NFASC: variants seen among roughly 807,000 people sequenced by gnomAD.
NFASC encodes neurofascin.
NFASC carries 43 observed loss-of-function variants against 147.5 expected under a neutral mutation model. The ratio of observed to expected loss-of-function variants is 0.29; its 90% CI spans 0.23 to 0.38. NFASC has a LOEUF of 0.38. Among genes scored for constraint, NFASC ranks in the 10% least tolerant of loss-of-function variants. NFASC has a pLI of 1.00. For missense variants in NFASC, 1,320 were observed against 1,689.0 expected (o/e 0.78, Z 3.83); for synonymous variants, 622 against 665.5 (o/e 0.93, Z 1.01).
rs1309132983 is a variant in NFASC, at chr1:204,954,963, G to T, written c.535+12G>T. Reference sequence around the variant, plus strand: ...CTGGATGAGCAGCTGTGAGTCTTGGGGGCCTGGTGTTGTGTTTATATCTTA... The same window carrying T: ...CTGGATGAGCAGCTGTGAGTCTTGGTGGCCTGGTGTTGTGTTTATATCTTA... On this transcript the variant is annotated intron_variant, in intron 7 of 29. Transcript: ENST00000339876. This position sits in a 1 kb window ranked among gnomAD's most constrained non-coding sequence, Gnocchi z 5.7. The T allele has an allele frequency of 1.9e-6, 3 of 1,614,034 alleles. No individual in the cohort carries two copies. Among genetic ancestry groups the T allele is most frequent in the Admixed American group, 1.7e-5 (1 of 60,014 alleles).
At chr1:204,948,301 G>A (rs1333653423) in intron 3 of NFASC, among the ~76,000 whole-genome samples, 2 of 152,216 alleles carry the variant, frequency 1.3e-5, no homozygotes, top group African/African-American at 4.8e-5. Flanking sequence ...TTCTCCCTGT[G>A]GCAGCTTGTC....
intron 26 of NFASC, 114 bp from the exon 27 acceptor site, chr1:205,002,482 T>G (rs1574389655): frequency 1.2e-6 from 1 of 837,330 alleles, no homozygotes; most frequent in African/African-American, 1.8e-5. Flanking sequence ...GGACCCGCGG[T>G]TCCCTGGTCC....
intron 1 of NFASC, among the ~76,000 whole-genome samples, chr1:204,883,371 C>T (rs151234019): frequency 9.1e-4 from 138 of 152,306 alleles, no homozygotes; most frequent in African/African-American, 3.2e-3. Flanking sequence ...ACTGGAGCAG[C>T]GACCCATAAA....
At chr1:204,904,122 C>T (rs1381123361) in intron 1 of NFASC, among the ~76,000 whole-genome samples, 1 of 152,160 alleles carries the variant, frequency 6.6e-6, no homozygotes, top group Non-Finnish European at 1.5e-5. Flanking sequence ...TGTTTTGAGA[C>T]AGGGTCTCCC....
At chr1:205,011,117 C>T (rs2096246160) in intron 28 of NFASC, among the ~76,000 whole-genome samples, 1 of 152,074 alleles carries the variant, frequency 6.6e-6, no homozygotes. Context: ...TGCAATTTCT[C>T]CCTGCTCCAG....
chr1:204,838,600 G>A (rs1412099965), intron 1 of NFASC, among the ~76,000 whole-genome samples: 7 of 152,324 alleles, frequency 4.6e-5, no homozygotes, highest in South Asian at 2.1e-4. Flanking sequence ...AGCCTGGAAC[G>A]GGAAAGCGAT....
In NFASC at chr1:205,001,198, C is replaced by T. The variant is rs1052392175; in HGVS notation, c.3048C>T (p.Val1016=). 1.5e-5 allele frequency: 24 copies of T among 1,611,806 alleles called. No individual in the cohort carries two copies. The highest frequency in any genetic ancestry group is 2.0e-5 in the Non-Finnish European group (23 of 1,178,946). Residue 1016 remains valine (V), a synonymous_variant, in exon 26 of 30, where the codon GTC becomes GTT. Transcript: ENST00000339876. ...SAPDEQSIWN[V]TVLPNSKWAN... ...CTGATGAGCAGTCCATATGGAACGT[C>T]ACGGTGCTCCCCAACAGTAAATGGG...
intron 2 of NFASC, among the ~76,000 whole-genome samples, chr1:204,921,390 G>A (rs1023721594): frequency 3.3e-5 from 5 of 152,218 alleles, no homozygotes; most frequent in African/African-American, 1.2e-4. Flanking sequence ...CTGGCCTCCT[G>A]GAGGCTGCTG....
intron 1 of NFASC, among the ~76,000 whole-genome samples, chr1:204,913,034 A>G (rs1021033772): frequency 6.6e-6 from 1 of 152,288 alleles, no homozygotes. Flanking sequence ...TCTCAAAAAT[A>G]TTTTTTTAAA....
At position 204,975,016 on chromosome 1, in the gene NFASC, G is replaced by C. The variant is rs1302470168; in HGVS notation, c.1558+193G>C. On this transcript the variant is annotated intron_variant, in intron 14 of 29. Transcript: ENST00000339876. This position sits in a 1 kb window ranked among gnomAD's most constrained non-coding sequence, Gnocchi z 4.0. ...AGAGAATTAGGAAGGGAAACCTTCT[G>C]CTCACACCAACTCCCCACTACCAGC... 6.6e-6 allele frequency among the ~76,000 whole-genome samples: 1 copy of C among 152,208 alleles called. No individual in the cohort carries two copies. Among genetic ancestry groups the C allele is most frequent in the Non-Finnish European group, 1.5e-5 (1 of 68,038 alleles).
Position 204,987,487 on chromosome 1 carries a change from A to T in NFASC, c.2540A>T (p.His847Leu), listed in dbSNP as rs2095640781. 1 of 1,613,960 alleles carries T rather than the reference A, an allele frequency of 6.2e-7. No individual in the cohort carries two copies. Among genetic ancestry groups the T allele is most frequent in the Admixed American group, 1.7e-5 (1 of 59,998 alleles). Residue 847 changes from histidine (H) to leucine (L), a missense_variant, in exon 22 of 30, where the codon CAT becomes CTT. His to Leu is a moderately conservative substitution (Grantham distance 99). Around this residue, in one of 3 missense-constraint regions of NFASC, gnomAD observed 981 missense variants for 1,289.5 expected, o/e 0.76. Coordinates refer to ENST00000339876, the MANE Select transcript of NFASC (RefSeq NM_001005388.3). The surrounding 1 kb of genome is among the most constrained non-coding windows in gnomAD (Gnocchi z 4.4). The stretch of plus-strand genomic sequence containing the variant: ...GAGACAATCAACCTGGAATGGGATC[A>T]TCCTGAGCATCCAAATGGGATCATG... ...NLETINLEWD[H>L]PEHPNGIMIG...
intron 1 of NFASC, among the ~76,000 whole-genome samples, chr1:204,853,965 G>T (rs1350234156): frequency 6.6e-6 from 1 of 152,096 alleles, no homozygotes; most frequent in Non-Finnish European, 1.5e-5. Flanking sequence ...CTTCTTTTCT[G>T]CTCCTCCTTG....
At chr1:204,880,639 C>A (rs1393390833) in intron 1 of NFASC, among the ~76,000 whole-genome samples, 1 of 152,150 alleles carries the variant, frequency 6.6e-6, no homozygotes, top group Non-Finnish European at 1.5e-5. Context: ...GACGTGATTC[C>A]CACTTGGCCT....
chr1:204,955,083 G>A (rs2094364087), intron 7 of NFASC, 132 bp downstream of exon 7: 1 of 1,088,868 alleles, frequency 9.2e-7, no homozygotes, highest in Non-Finnish European at 1.3e-6. Context: ...GTGGCAACCA[G>A]GCTGAGAACA....
At chr1:205,004,845 G>A (rs1278884502) in intron 27 of NFASC, among the ~76,000 whole-genome samples, 1 of 152,226 alleles carries the variant, frequency 6.6e-6, no homozygotes, top group African/African-American at 2.4e-5. Flanking sequence ...TGGGAAGGCT[G>A]ACAGCCTCTC....
rs1276628315 is a variant in NFASC at position 204,920,669 on chromosome 1, T to A, written c.-162T>A. ...ATGTGCAATTTGGGACGCTGGAGTT[T>A]ACCTTCCCTCCGCAGCCTGGAACAG... On this transcript the variant is annotated 5_prime_UTR_variant, in exon 2 of 30. It introduces an in-frame stop codon into an upstream open reading frame of the 5' UTR. Transcript: ENST00000339876. The A allele has an allele frequency of 8.5e-6, 11 of 1,289,564 alleles. No homozygotes were observed. The South Asian group carries it at 9.9e-5, about 12-fold the overall frequency. 79.9% of individuals were successfully genotyped at this position (1,289,564 alleles called of 1,614,324 possible). A position where few individuals can be genotyped will look rare whatever the true frequency, so the allele number is the denominator to read the frequency against.
intron 24 of NFASC, among the ~76,000 whole-genome samples, chr1:204,996,287 C>T (rs1453877927): frequency 1.3e-5 from 2 of 152,136 alleles, no homozygotes; most frequent in Non-Finnish European, 2.9e-5. Context: ...AGAAGCCCAG[C>T]ATGCGCCTCA....
chr1:204,959,435 C>T (rs762353745), intron 8 of NFASC, among the ~76,000 whole-genome samples: 85 of 152,224 alleles, frequency 5.6e-4, no homozygotes, highest in Non-Finnish European at 8.2e-4. Flanking sequence ...CCTCAGTCCA[C>T]ATCAGGGTGA....
At chr1:204,964,031 A>C (rs1008085384) in intron 8 of NFASC, among the ~76,000 whole-genome samples, 11 of 152,148 alleles carry the variant, frequency 7.2e-5, no homozygotes, top group African/African-American at 2.4e-4. Context: ...ATCTGGTCTG[A>C]GATTGTAACT....
Sources: allele counts gnomAD v4.1 joint callset (sites outside exome capture counted in the v4.1 genomes callset), GRCh38; gene constraint gnomAD v4.1.1; regional missense constraint gnomAD v4.1.1; non-coding constraint Gnocchi (gnomAD v3.1); transcripts MANE v1.5; gene names NCBI Gene and HGNC (gene_info 2026-07-23, HGNC 2026-07-21).